The following HMGN5 variants were observed in gnomAD, a reference collection of about 807,000 sequenced individuals.
HMGN5 encodes the protein high mobility group nucleosome binding domain 5, also known as high mobility group nucleosome-binding domain-containing protein 5.
Under a neutral mutation model 9.5 loss-of-function variants are expected in HMGN5, and 4 were observed. The observed-to-expected ratio is 0.42, with a 90% CI of 0.21 to 0.96. The LOEUF is 0.96. HMGN5 is among the 40% of genes least tolerant of loss of function. The pLI, the probability that HMGN5 is intolerant of heterozygous loss-of-function variation, is 0.30. For missense variants in HMGN5, 192 were observed against 187.5 expected (o/e 1.02, Z -0.14); for synonymous variants, 55 against 57.1 (o/e 0.96, Z 0.16).
intron 1 of HMGN5, among the ~76,000 whole-genome samples, chrX:81,189,260 T>A (rs764422028): frequency 4.5e-5 from 5 of 112,239 alleles, no homozygotes; most frequent in Non-Finnish European, 7.5e-5. Flanking sequence ...ATAACTGTGT[T>A]AAGATTTTCC....
At chrX:81,181,041 G>T (rs1437457294) in intron 1 of HMGN5, among the ~76,000 whole-genome samples, 1 of 110,236 alleles carries the variant, frequency 9.1e-6, no homozygotes, top group Non-Finnish European at 1.9e-5. Flanking sequence ...ACACACAGGG[G>T]CCTGTCAGGG....
chrX:81,122,016 C>CTCCA (rs201443795), intron 1 of HMGN5, among the ~76,000 whole-genome samples: 3,368 of 112,390 alleles, frequency 0.03, 50 homozygotes, highest in Non-Finnish European at 0.048. Flanking sequence ...TCTTCACAGC[C>CTCCA]TCCAAACCCG....
chrX:81,148,932 C>T (rs1200014978), intron 1 of HMGN5, among the ~76,000 whole-genome samples: 1 of 111,748 alleles, frequency 8.9e-6, no homozygotes, highest in Non-Finnish European at 1.9e-5. Flanking sequence ...AATGAGATAC[C>T]ATTTCATGCC....
At chrX:81,166,475 G>A (rs57432019) in intron 1 of HMGN5, among the ~76,000 whole-genome samples, 1,266 of 111,454 alleles carry the variant, frequency 0.011, 16 homozygotes, top group African/African-American at 0.039. Context: ...CTAGTAAATC[G>A]CTGTATTACA....
At chrX:81,189,357 A>G (rs1007048314) in intron 1 of HMGN5, among the ~76,000 whole-genome samples, 4 of 111,523 alleles carry the variant, frequency 3.6e-5, no homozygotes, top group Non-Finnish European at 7.5e-5. Flanking sequence ...GTTTTCAAAT[A>G]GAATATTTTC....
intron 1 of HMGN5, among the ~76,000 whole-genome samples, chrX:81,196,963 G>A (rs1338460949): frequency 1.8e-5 from 2 of 111,371 alleles, no homozygotes; most frequent in South Asian, 7.5e-4. Context: ...AGTCTCCTGA[G>A]GCCTCCCCAG....
In HMGN5 at chrX:81,154,804, A is replaced by C. The variant is rs774182413; in HGVS notation, c.-123-33132T>G. Among the ~76,000 whole-genome samples, 4 of 110,629 alleles carry C rather than the reference A, an allele frequency of 3.6e-5. No individual in the cohort carries two copies. In the East Asian group the frequency reaches 8.5e-4, roughly 24 times the overall value. On this transcript the variant is annotated intron_variant, in intron 1 of 6. Transcript: ENST00000358130. ...ATTGATTATCAGAGAAATTCAAATC[A>C]AAACTACAATGAGATATCATTTCAC...
intron 1 of HMGN5, among the ~76,000 whole-genome samples, chrX:81,127,394 G>A (rs1187121327): frequency 1.8e-5 from 2 of 111,671 alleles, no homozygotes; most frequent in South Asian, 3.7e-4. Context: ...CCCTTCATGA[G>A]AGAATAGTGG....
chrX:81,172,454 G>C (rs1285834665), intron 1 of HMGN5, among the ~76,000 whole-genome samples: 1 of 109,354 alleles, frequency 9.1e-6, no homozygotes, highest in Non-Finnish European at 1.9e-5. Flanking sequence ...CATAATGTCT[G>C]AAATTTGCTT....
chrX:81,142,879 C>A (rs2075333461), intron 1 of HMGN5, among the ~76,000 whole-genome samples: 2 of 111,521 alleles, frequency 1.8e-5, no homozygotes, highest in Admixed American at 9.6e-5. Context: ...AATAGAAAGA[C>A]TAAATGATGA....
At chrX:81,162,362 GAA>G (rs199803467) in intron 1 of HMGN5, among the ~76,000 whole-genome samples, 5 of 57,441 alleles carry the variant, frequency 8.7e-5, no homozygotes, top group African/African-American at 2.9e-4. Context: ...AAAACAAACT[GAA>G]AAAAAAAAAA....
At chrX:81,178,231 A>C (rs1216116709) in intron 1 of HMGN5, among the ~76,000 whole-genome samples, 2 of 111,678 alleles carry the variant, frequency 1.8e-5, no homozygotes, top group African/African-American at 3.3e-5. Flanking sequence ...GAATGGAAAG[A>C]GATAGAGACA....
chrX:81,165,507 C>T (rs1352180191), intron 1 of HMGN5, among the ~76,000 whole-genome samples: 4 of 111,144 alleles, frequency 3.6e-5, no homozygotes, highest in Admixed American at 1.9e-4. Flanking sequence ...CATTAGCTCA[C>T]CAGAAGTTAG....
At chrX:81,137,659 A>G (rs894869381) in intron 1 of HMGN5, among the ~76,000 whole-genome samples, 1 of 111,783 alleles carries the variant, frequency 8.9e-6, no homozygotes, top group Non-Finnish European at 1.9e-5. Context: ...AAGAAAAAAG[A>G]CAAACACAAA....
At chrX:81,120,478 A>T (rs2075265650) in intron 2 of HMGN5, among the ~76,000 whole-genome samples, 1 of 111,313 alleles carries the variant, frequency 9.0e-6, no homozygotes, top group Non-Finnish European at 1.9e-5. Context: ...TGGTGATTAG[A>T]AACAGTTGTT....
At chrX:81,165,907 T>C (rs1270503196) in intron 1 of HMGN5, among the ~76,000 whole-genome samples, 1 of 111,733 alleles carries the variant, frequency 8.9e-6, no homozygotes, top group Non-Finnish European at 1.9e-5. Flanking sequence ...ATTGGTGACC[T>C]ATTTTGGTTA....
At chrX:81,140,928 C>A (rs2075327456) in intron 1 of HMGN5, among the ~76,000 whole-genome samples, 1 of 111,353 alleles carries the variant, frequency 9.0e-6, no homozygotes, top group Non-Finnish European at 1.9e-5. Flanking sequence ...GAGGGGAGCC[C>A]ACTGCCCTGA....
chrX:81,137,890 G>T (rs1380694631), intron 1 of HMGN5, among the ~76,000 whole-genome samples: 1 of 111,463 alleles, frequency 9.0e-6, no homozygotes, highest in African/African-American at 3.2e-5. Flanking sequence ...TGCAGTTAAT[G>T]AAAGGGTAAT....
At chrX:81,122,681 G>A (rs2075272544) in intron 1 of HMGN5, among the ~76,000 whole-genome samples, 1 of 111,765 alleles carries the variant, frequency 8.9e-6, no homozygotes, top group Non-Finnish European at 1.9e-5. Context: ...TCATTACTGA[G>A]TTTCTAGGCG....
Sources: allele counts gnomAD v4.1 joint callset (sites outside exome capture counted in the v4.1 genomes callset), GRCh38; gene constraint gnomAD v4.1.1; transcripts MANE v1.5; gene names NCBI Gene and HGNC (gene_info 2026-07-23, HGNC 2026-07-21).